Variants in TMTC2 observed in about 807,000 individuals in gnomAD.
The protein encoded by TMTC2 is transmembrane O-mannosyltransferase targeting cadherins 2, also known as protein O-mannosyl-transferase TMTC2.
TMTC2 carries 43 observed loss-of-function variants against 82.4 expected under a neutral mutation model. The ratio of observed to expected loss-of-function variants is 0.52; its 90% confidence interval spans 0.41 to 0.67. TMTC2 has a LOEUF of 0.67. TMTC2 is among the 30% of genes least tolerant of loss of function. TMTC2 has a pLI of 0.00. For missense variants in TMTC2, 919 were observed against 1,012.4 expected, an observed-to-expected ratio of 0.91 and a Z score of 1.25; for synonymous variants, 408 against 381.9, an observed-to-expected ratio of 1.07 and a Z score of -0.80.
chr12:82,801,857 G>A (rs1879023005), intron 1 of TMTC2, among the ~76,000 whole-genome samples: 1 of 152,104 alleles, frequency 6.6e-6, no homozygotes, highest in East Asian at 1.9e-4. Flanking sequence ...GGTGCTGATT[G>A]GTGTGTTTAC....
chr12:83,097,299 T>C (rs777591297), intron 11 of TMTC2, among the ~76,000 whole-genome samples: 8 of 152,174 alleles, frequency 5.3e-5, no homozygotes, highest in Non-Finnish European at 8.8e-5. Context: ...CTCAAACATA[T>C]GCACACACAC....
At chr12:82,913,967 T>A (rs1460190246) in intron 3 of TMTC2, among the ~76,000 whole-genome samples, 1 of 151,850 alleles carries the variant, frequency 6.6e-6, no homozygotes, top group Non-Finnish European at 1.5e-5. Flanking sequence ...TCAGTCTGTG[T>A]TTGGTTGAAA....
intron 3 of TMTC2, among the ~76,000 whole-genome samples, chr12:82,915,632 A>G (rs1162188348): frequency 6.6e-6 from 1 of 152,178 alleles, no homozygotes; most frequent in African/African-American, 2.4e-5. Context: ...TTTAAGGGAG[A>G]AAATGGATTC....
At chr12:82,978,192 T>G (rs1878765284) in intron 7 of TMTC2, among the ~76,000 whole-genome samples, 1 of 151,740 alleles carries the variant, frequency 6.6e-6, no homozygotes, top group Non-Finnish European at 1.5e-5. Flanking sequence ...CAATCTTGAA[T>G]AGATCAACTA....
At chr12:82,719,671 C>CTTTTTTTTTTTTTTT (rs202235180) in intron 1 of TMTC2, among the ~76,000 whole-genome samples, 1 of 128,148 alleles carries the variant, frequency 7.8e-6, no homozygotes. Context: ...GTCTCTCTGT[C>CTTTTTTTTTTTTTTT]TTTTTTTTTT....
intron 1 of TMTC2, among the ~76,000 whole-genome samples, chr12:82,820,302 A>G (rs1869013028): frequency 6.6e-6 from 1 of 152,124 alleles, no homozygotes; most frequent in Non-Finnish European, 1.5e-5. Context: ...GCATCCTTCA[A>G]TGCAATCAAG....
intron 11 of TMTC2, among the ~76,000 whole-genome samples, chr12:83,069,117 AT>A (rs1277378236): frequency 2.0e-5 from 3 of 152,186 alleles, no homozygotes; most frequent in African/African-American, 7.2e-5. Context: ...ATTGATGGGC[AT>A]TTGGGTTGGG....
At chr12:83,094,175 C>T (rs772216500) in intron 11 of TMTC2, among the ~76,000 whole-genome samples, 7 of 152,192 alleles carry the variant, frequency 4.6e-5, no homozygotes, top group African/African-American at 7.2e-5. Flanking sequence ...CCAACATCCG[C>T]GTATGCCCTG....
At chr12:83,101,279 G>C (rs1884206994) in intron 11 of TMTC2, among the ~76,000 whole-genome samples, 1 of 152,108 alleles carries the variant, frequency 6.6e-6, no homozygotes, top group African/African-American at 2.4e-5. Context: ...TATAAATTTT[G>C]TGTTTCTTCA....
intron 8 of TMTC2, among the ~76,000 whole-genome samples, chr12:83,024,503 C>T (rs1881076225): frequency 6.6e-6 from 1 of 152,132 alleles, no homozygotes; most frequent in African/African-American, 2.4e-5. Flanking sequence ...CAGACACTCA[C>T]TATTGTAAGA....
chr12:83,123,854 AT>A (rs1565897047), intron 11 of TMTC2, among the ~76,000 whole-genome samples: 2 of 152,132 alleles, frequency 1.3e-5, no homozygotes, highest in Non-Finnish European at 2.9e-5. Flanking sequence ...CAACCTAACA[AT>A]TCTTGTTGTC....
At chr12:83,041,571 G>A (rs1881898406) in intron 9 of TMTC2, among the ~76,000 whole-genome samples, 1 of 151,942 alleles carries the variant, frequency 6.6e-6, no homozygotes, top group South Asian at 2.1e-4. Flanking sequence ...TATAAATAAA[G>A]GGACAAATTA....
At chr12:82,966,194 C>A (rs531141402) in intron 6 of TMTC2, among the ~76,000 whole-genome samples, 2 of 151,938 alleles carry the variant, frequency 1.3e-5, no homozygotes, top group African/African-American at 4.8e-5. Flanking sequence ...AAATGCCACC[C>A]ATTTCTCTTA....
intron 11 of TMTC2, among the ~76,000 whole-genome samples, chr12:83,088,028 A>G (rs561822987): frequency 6.6e-6 from 1 of 152,352 alleles, no homozygotes; most frequent in South Asian, 2.1e-4. Flanking sequence ...AAATTTGTTT[A>G]GTACAGCCAT....
intron 4 of TMTC2, among the ~76,000 whole-genome samples, chr12:82,954,907 C>T (rs1393560503): frequency 3.9e-5 from 6 of 152,046 alleles, no homozygotes; most frequent in Non-Finnish European, 5.9e-5. Context: ...TTTTCTTTTA[C>T]CTTTGTGAAA....
chr12:83,122,219 CTGAG>C (rs1884974732), intron 11 of TMTC2, among the ~76,000 whole-genome samples: 1 of 151,822 alleles, frequency 6.6e-6, no homozygotes. Context: ...GCAGGCAGGG[CTGAG>C]AACTTACCCC....
chr12:83,036,936 GGAACTAATCCATAGTCATAA>G (rs1178403631), intron 9 of TMTC2, among the ~76,000 whole-genome samples: 6 of 152,050 alleles, frequency 3.9e-5, no homozygotes, highest in Non-Finnish European at 7.4e-5. Context: ...CACTCTCATG[GGAACTAATCCATAGTCATAA>G]GAACTAATCC....
chr12:82,761,287 C>T (rs1434190519), intron 1 of TMTC2, among the ~76,000 whole-genome samples: 3 of 152,128 alleles, frequency 2.0e-5, no homozygotes, highest in East Asian at 1.9e-4. Flanking sequence ...ATATAACATG[C>T]GTTATTACCA....
chr12:82,997,156 C>CT lies in TMTC2; in HGVS notation c.2070+11110_2070+11111insT, dbSNP rs1565844715. Among the ~76,000 whole-genome samples the CT allele has an allele frequency of 5.8e-3, 286 of 49,070 alleles. 5 individuals are homozygous for CT. Among genetic ancestry groups the CT allele is most frequent in the African/African-American group, 0.019 (270 of 14,570 alleles). 32.2% of individuals were successfully genotyped at this position (49,070 alleles called of 152,430 possible). On this transcript the variant is annotated intron_variant, in intron 8 of 11. Transcript: ENST00000321196. ...TGACTCCCTCATCATTTTGATACTTCCCTCTCTCTCTCTCTCTCTCCCACC... is the reference window on the plus strand; with the variant it reads ...TGACTCCCTCATCATTTTGATACTTCTCCTCTCTCTCTCTCTCTCTCCCACC...
Sources: gnomAD v4.1 joint callset for allele counts (sites outside exome capture counted in the v4.1 genomes callset) on GRCh38, gnomAD v4.1.1 for gene constraint, MANE v1.5 for transcripts, NCBI Gene and HGNC (gene_info 2026-07-23, HGNC 2026-07-21) for gene names.